The following SNW1 variants were observed in gnomAD, a reference collection of about 807,000 sequenced individuals.
The protein encoded by SNW1 is SNW domain-containing protein 1.
Under a neutral mutation model 75.6 loss-of-function variants are expected in SNW1, and 9 were observed. The ratio of observed to expected loss-of-function variants is 0.12; its 90% CI spans 0.07 to 0.21. SNW1 has a LOEUF of 0.21. Ranked by LOEUF, SNW1 falls within the 10% of genes least tolerant of loss-of-function variation. SNW1 has a pLI of 1.00. For missense variants in SNW1, 409 were observed against 670.9 expected (o/e 0.61, Z 4.31); for synonymous variants, 200 against 219.1 (o/e 0.91, Z 0.77).
At chr14:77,735,530 G>A (rs1285605232) in intron 7 of SNW1, among the ~76,000 whole-genome samples, 2 of 152,154 alleles carry the variant, frequency 1.3e-5, no homozygotes, top group African/African-American at 2.4e-5. Context: ...TGATCTGCCC[G>A]CCTCGGCCTC....
intron 3 of SNW1, among the ~76,000 whole-genome samples, chr14:77,741,179 GAATA>G (rs1186824532): frequency 2.7e-5 from 4 of 149,070 alleles, no homozygotes; most frequent in Non-Finnish European, 5.9e-5. Context: ...TTGTACAAAT[GAATA>G]AATAAATGAA....
chr14:77,760,878 C>A, intron 1 of SNW1: 1 of 871,876 alleles, frequency 1.1e-6, no homozygotes, highest in Non-Finnish European at 1.9e-6. Flanking sequence ...TCTGAGACCA[C>A]TCCGCAGCTT....
At chr14:77,722,404 TC>T (rs1241718268) in intron 11 of SNW1, 1 of 379,490 alleles carries the variant, frequency 2.6e-6, no homozygotes, top group Non-Finnish European at 5.3e-6. Flanking sequence ...GAGCTGATTT[TC>T]TACTTCTTTC....
intron 1 of SNW1, among the ~76,000 whole-genome samples, chr14:77,757,024 A>C (rs2080846741): frequency 6.6e-6 from 1 of 152,212 alleles, no homozygotes; most frequent in Non-Finnish European, 1.5e-5. Context: ...TTACAGTGAT[A>C]CTCCAAAGTA....
At chr14:77,751,758 G>C (rs921275936) in intron 2 of SNW1, among the ~76,000 whole-genome samples, 1 of 149,916 alleles carries the variant, frequency 6.7e-6, no homozygotes, top group African/African-American at 2.5e-5. Flanking sequence ...TTGTGAAGAA[G>C]TAACATGTGA....
intron 7 of SNW1, among the ~76,000 whole-genome samples, chr14:77,735,279 T>C (rs981878090): frequency 6.6e-6 from 1 of 152,172 alleles, no homozygotes; most frequent in Non-Finnish European, 1.5e-5. Flanking sequence ...TTTAAAGTGA[T>C]GTGACTTTTT....
In SNW1 at chr14:77,720,713, T is replaced by C; in HGVS notation, c.1246A>G (p.Lys416Glu). Residue 416 changes from lysine (K) to glutamate (E), a missense_variant and splice_region_variant, in exon 12 of 14, where the codon AAG becomes GAG. Lys to Glu is a moderately conservative substitution (Grantham distance 56). This residue lies in a region of SNW1 where 126 missense variants were observed against 167.6 expected (regional missense o/e 0.75). Coordinates refer to ENST00000261531, the MANE Select transcript of SNW1 (RefSeq NM_012245.3). ...QYDQRLFNQSKGMDSGFAGGE... is the reference protein window; with the variant it reads ...QYDQRLFNQSEGMDSGFAGGE... ...ATATGCTGTTCCTAAACTTGTACCTTGGATTGGTTGAAGAGCCTTTGGTCA... is the reference window on the plus strand; with the variant it reads ...ATATGCTGTTCCTAAACTTGTACCTCGGATTGGTTGAAGAGCCTTTGGTCA... 6.3e-7 allele frequency: 1 copy of C among 1,598,376 alleles called. No homozygotes were observed. Among genetic ancestry groups the C allele is most frequent in the East Asian group, 2.2e-5 (1 of 44,784 alleles).
At chr14:77,719,904 T>C (rs1325454802) in intron 12 of SNW1, among the ~76,000 whole-genome samples, 1 of 152,252 alleles carries the variant, frequency 6.6e-6, no homozygotes, top group Non-Finnish European at 1.5e-5. Context: ...CCCACTCTAC[T>C]TTCCAGTAGA....
intron 3 of SNW1, among the ~76,000 whole-genome samples, chr14:77,744,152 A>G (rs1339557137): frequency 2.0e-5 from 3 of 148,558 alleles, no homozygotes; most frequent in African/African-American, 7.4e-5. Flanking sequence ...AAAAAAAAAG[A>G]AAAAAAGAAA....
At chr14:77,725,632 G>A (rs1389331149) in intron 10 of SNW1, among the ~76,000 whole-genome samples, 5 of 152,090 alleles carry the variant, frequency 3.3e-5, no homozygotes, top group African/African-American at 7.2e-5. Context: ...AAAAATCCAC[G>A]CATTGGCTGG....
chr14:77,729,864 C>T (rs1209383613), intron 10 of SNW1, among the ~76,000 whole-genome samples: 6 of 152,114 alleles, frequency 3.9e-5, no homozygotes, highest in African/African-American at 1.4e-4. Flanking sequence ...TGCTCAAAAC[C>T]CTGCAATTGC....
At chr14:77,722,150 A>G (rs1281942499) in intron 11 of SNW1, among the ~76,000 whole-genome samples, 3 of 152,232 alleles carry the variant, frequency 2.0e-5, no homozygotes, top group African/African-American at 7.2e-5. Context: ...CTATATTTGC[A>G]TTTAACCCTC....
At chr14:77,721,865 G>C (rs971568389) in intron 11 of SNW1, among the ~76,000 whole-genome samples, 4 of 151,974 alleles carry the variant, frequency 2.6e-5, no homozygotes, top group African/African-American at 9.7e-5. Context: ...CTCCCACTTC[G>C]GCCTCTCGAG....
chr14:77,736,116 C>A, intron 6 of SNW1, 110 bp from the exon 7 acceptor site: 2 of 726,664 alleles, frequency 2.8e-6, no homozygotes, highest in Non-Finnish European at 4.7e-6. Context: ...TAGACAAAAA[C>A]AGAGACTGTA....
At chr14:77,718,763 G>A (rs1463993083) in intron 12 of SNW1, among the ~76,000 whole-genome samples, 1 of 150,936 alleles carries the variant, frequency 6.6e-6, no homozygotes, top group Non-Finnish European at 1.5e-5. Context: ...CCAGGCTGGA[G>A]TGCAGTGGTG....
At chr14:77,729,198 C>G (rs2080609389) in intron 10 of SNW1, among the ~76,000 whole-genome samples, 1 of 152,166 alleles carries the variant, frequency 6.6e-6, no homozygotes, top group Admixed American at 6.5e-5. Context: ...AATTCTTCAT[C>G]TTTCCCTCCC....
intron 3 of SNW1, among the ~76,000 whole-genome samples, chr14:77,751,118 G>A (rs2080804037): frequency 6.6e-6 from 1 of 152,148 alleles, no homozygotes; most frequent in Admixed American, 6.5e-5. Flanking sequence ...GAGTGCAGTG[G>A]CTCACTGTAT....
At chr14:77,738,665 T>C (rs750336723) in intron 5 of SNW1, 113 bp downstream of exon 5, 19 of 729,122 alleles carry the variant, frequency 2.6e-5, no homozygotes, top group East Asian at 5.3e-5. Context: ...TGAGTCATTA[T>C]TGAAAACAAT....
At chr14:77,722,037 T>C (rs1168528706) in intron 11 of SNW1, among the ~76,000 whole-genome samples, 1 of 152,218 alleles carries the variant, frequency 6.6e-6, no homozygotes, top group African/African-American at 2.4e-5. Context: ...TGTCAGCCAC[T>C]GTGCCCGGCC....
Sources: gnomAD v4.1 joint callset for allele counts (sites outside exome capture counted in the v4.1 genomes callset) on GRCh38, gnomAD v4.1.1 for gene constraint, gnomAD v4.1.1 regional missense constraint, MANE v1.5 for transcripts, NCBI Gene and HGNC (gene_info 2026-07-23, HGNC 2026-07-21) for gene names.